ACYP2: variants seen among roughly 807,000 people sequenced by gnomAD.
ACYP2 encodes the protein acylphosphatase-2.
A neutral mutation model predicts 11.2 loss-of-function variants in ACYP2; 12 were observed. The ratio of observed to expected loss-of-function variants is 1.08; its 90% CI spans 0.69 to 1.74. The LOEUF (loss-of-function observed/expected upper bound fraction) is 1.74. Among genes scored for constraint, ACYP2 ranks in the 40% most tolerant of loss-of-function variants. The pLI, the probability that ACYP2 is intolerant of heterozygous loss-of-function variation, is 0.00. For missense variants in ACYP2, 134 were observed against 101.9 expected, an observed-to-expected ratio of 1.31 and a Z score of -1.35; for synonymous variants, 43 against 32.2, an observed-to-expected ratio of 1.33 and a Z score of -1.13.
Position 54,277,506 on chromosome 2 carries a change from C to T in ACYP2, c.405-27182C>T, listed in dbSNP as rs768761806. ...CAGCCTGACCAACATGGTGAAACCC[C>T]GTCTCTACTAAAAATACAAAAATTA... On this transcript the variant is annotated intron_variant, in intron 6 of 6. Coordinates refer to ENST00000607452, the MANE Select transcript of ACYP2 (RefSeq NM_001320586.2). 3.9e-5 allele frequency among the ~76,000 whole-genome samples: 6 copies of T among 151,966 alleles called. No homozygotes were observed. The South Asian group carries it at 1.0e-3, about 26-fold the overall frequency.
chr2:54,219,805 G>GTT (rs1685705151), intron 6 of ACYP2, among the ~76,000 whole-genome samples: 5 of 147,462 alleles, frequency 3.4e-5, no homozygotes, highest in African/African-American at 7.5e-5. Flanking sequence ...GTGTGTGTGT[G>GTT]TGTGTTTGTG....
chr2:53,979,498 G>A (rs886796856), intron 2 of ACYP2, among the ~76,000 whole-genome samples: 8 of 151,632 alleles, frequency 5.3e-5, no homozygotes, highest in African/African-American at 1.9e-4. Context: ...ATGGGGGTAT[G>A]CACCTGTAGT....
intron 4 of ACYP2, among the ~76,000 whole-genome samples, chr2:54,110,784 C>G (rs1381808869): frequency 6.6e-6 from 1 of 151,966 alleles, no homozygotes; most frequent in Non-Finnish European, 1.5e-5. Flanking sequence ...CTCAGTGAGA[C>G]AGTCTTTAAG....
rs576342831 is a variant in ACYP2 at position 54,088,602 on chromosome 2, C to A, written c.277+31242C>A. Among the ~76,000 whole-genome samples, 8 of 152,318 alleles carry A rather than the reference C, an allele frequency of 5.3e-5. No individual in the cohort carries two copies. In the South Asian group the frequency reaches 1.7e-3, roughly 32 times the overall value. On this transcript the variant is annotated intron_variant, in intron 4 of 6. Transcript: ENST00000607452. ...ACACCCCCTTTCTCACGGCAGGCTT[C>A]CAGTCTGCCCCAGGGCCAAGCTGCA...
chr2:54,092,792 C>A (rs1678304151), intron 4 of ACYP2, among the ~76,000 whole-genome samples: 1 of 152,160 alleles, frequency 6.6e-6, no homozygotes, highest in Non-Finnish European at 1.5e-5. Flanking sequence ...GTGATGCATG[C>A]CATGGTGCTC....
At chr2:54,046,788 G>A (rs1432625779) in intron 2 of ACYP2, among the ~76,000 whole-genome samples, 1 of 152,090 alleles carries the variant, frequency 6.6e-6, no homozygotes, top group South Asian at 2.1e-4. Context: ...AATAATTTTT[G>A]AATAAGGGGG....
rs144130542 is a variant in ACYP2 at position 54,108,451 on chromosome 2, C to T, written c.278-27002C>T. Among the ~76,000 whole-genome samples the T allele has an allele frequency of 4.6e-5, 7 of 152,298 alleles. No homozygotes were observed. The East Asian group carries it at 9.6e-4, about 21-fold the overall frequency. On this transcript the variant is annotated intron_variant, in intron 4 of 6. Transcript: ENST00000607452. ...CGGGTAAATCTGAGTCAAGCCCTTT[C>T]GGGAGTTTAAGTGTGTGTGAACTAA...
intron 2 of ACYP2, among the ~76,000 whole-genome samples, chr2:53,981,683 T>A (rs527565749): frequency 6.6e-6 from 1 of 152,108 alleles, no homozygotes; most frequent in Non-Finnish European, 1.5e-5. Context: ...TCCTTTAGAT[T>A]TAGTTCTAGG....
chr2:54,189,282 A>G (rs940449189), intron 6 of ACYP2, among the ~76,000 whole-genome samples: 1 of 151,958 alleles, frequency 6.6e-6, no homozygotes, highest in African/African-American at 2.4e-5. Flanking sequence ...GTTCATCCTA[A>G]TATCTACTAC....
intron 2 of ACYP2, among the ~76,000 whole-genome samples, chr2:54,039,726 G>C (rs1295327630): frequency 6.6e-6 from 1 of 151,890 alleles, no homozygotes; most frequent in Non-Finnish European, 1.5e-5. Flanking sequence ...CCCTTTGGAG[G>C]GCTTGGAGGG....
chr2:54,161,454 A>G (rs1421255068), intron 6 of ACYP2, among the ~76,000 whole-genome samples: 8 of 152,240 alleles, frequency 5.3e-5, no homozygotes, highest in African/African-American at 9.6e-5. Context: ...TCAAGGGCGT[A>G]TAGCAAGCTC....
chr2:54,044,384 GA>G (rs1268729255), intron 2 of ACYP2, among the ~76,000 whole-genome samples: 1 of 151,716 alleles, frequency 6.6e-6, no homozygotes, highest in Non-Finnish European at 1.5e-5. Flanking sequence ...CACTTGGGAC[GA>G]GGAGTTCAAG....
intron 6 of ACYP2, among the ~76,000 whole-genome samples, chr2:54,281,081 C>T (rs1016766324): frequency 3.3e-5 from 5 of 152,030 alleles, no homozygotes; most frequent in African/African-American, 4.8e-5. Context: ...GAGGTTTAAA[C>T]GAAATAACAT....
At chr2:53,998,109 A>G (rs150437067) in intron 2 of ACYP2, among the ~76,000 whole-genome samples, 70 of 152,326 alleles carry the variant, frequency 4.6e-4, no homozygotes, top group Non-Finnish European at 8.8e-4. Context: ...AAAAGGATTT[A>G]AAACAACTTG....
At chr2:54,033,662 G>A (rs1471211900) in intron 2 of ACYP2, among the ~76,000 whole-genome samples, 1 of 152,208 alleles carries the variant, frequency 6.6e-6, no homozygotes, top group African/African-American at 2.4e-5. Context: ...TTCAGGCAGG[G>A]GAGTGACATG....
At chr2:54,171,298 G>C (rs533156305) in intron 6 of ACYP2, among the ~76,000 whole-genome samples, 1 of 152,144 alleles carries the variant, frequency 6.6e-6, no homozygotes, top group African/African-American at 2.4e-5. Flanking sequence ...AAGAAATACA[G>C]TCCACAGCTT....
intron 4 of ACYP2, among the ~76,000 whole-genome samples, chr2:54,098,135 T>A (rs557067082): frequency 1.6e-3 from 240 of 151,154 alleles, no homozygotes; most frequent in African/African-American, 5.6e-3. Flanking sequence ...GCTAATTTTT[T>A]AAAAATTATT....
At chr2:54,250,345 C>T (rs1267761068) in intron 6 of ACYP2, among the ~76,000 whole-genome samples, 4 of 152,040 alleles carry the variant, frequency 2.6e-5, no homozygotes, top group Admixed American at 2.6e-4. Context: ...TGGTGGCGCA[C>T]GCCTGTAATC....
At chr2:54,260,398 T>A (rs75403564) in intron 6 of ACYP2, among the ~76,000 whole-genome samples, 2 of 152,096 alleles carry the variant, frequency 1.3e-5, no homozygotes, top group East Asian at 3.9e-4. Context: ...AAGTCATGAA[T>A]TGGAAATGAG....
Sources: gnomAD v4.1 joint callset for allele counts (sites outside exome capture counted in the v4.1 genomes callset) on GRCh38, gnomAD v4.1.1 for gene constraint, MANE v1.5 for transcripts, NCBI Gene and HGNC (gene_info 2026-07-23, HGNC 2026-07-21) for gene names.